The following ZNF644 variants were observed in gnomAD, a reference collection of about 807,000 sequenced individuals.
The protein encoded by ZNF644 is zinc finger protein 644.
ZNF644 carries 20 observed loss-of-function variants against 108.0 expected under a neutral mutation model. The observed-to-expected ratio is 0.19, with a 90% CI of 0.13 to 0.27. The LOEUF (loss-of-function observed/expected upper bound fraction) is 0.27. Ranked by LOEUF, ZNF644 falls within the 10% of genes least tolerant of loss-of-function variation. ZNF644 has a pLI of 1.00. For missense variants in ZNF644, 1,338 were observed against 1,548.9 expected, an observed-to-expected ratio of 0.86 and a Z score of 2.29; for synonymous variants, 542 against 539.1, an observed-to-expected ratio of 1.01 and a Z score of -0.08.
At chr1:90,948,817 A>G (rs1220841408) in intron 2 of ZNF644, among the ~76,000 whole-genome samples, 3 of 152,228 alleles carry the variant, frequency 2.0e-5, no homozygotes, top group Admixed American at 6.5e-5. Context: ...TGCTTGGAAC[A>G]TAACGAATGT....
intron 1 of ZNF644, among the ~76,000 whole-genome samples, chr1:90,987,056 A>G (rs1657169819): frequency 6.7e-6 from 1 of 150,244 alleles, no homozygotes; most frequent in Non-Finnish European, 1.5e-5. Flanking sequence ...GCAAAAGCTT[A>G]CATGTTTAAA....
chr1:91,012,378 TGAA>T (rs2100646134), intron 1 of ZNF644, among the ~76,000 whole-genome samples: 1 of 150,000 alleles, frequency 6.7e-6, no homozygotes, highest in Non-Finnish European at 1.5e-5. Context: ...CTCAGGAAGC[TGAA>T]GGAGGAGGAT....
At chr1:90,987,607 T>C in intron 1 of ZNF644, among the ~76,000 whole-genome samples, 1 of 151,960 alleles carries the variant, frequency 6.6e-6, no homozygotes, top group Non-Finnish European at 1.5e-5. Context: ...GACATTTAAA[T>C]AAGAATTAAC....
chr1:90,917,017 C>T (rs1648842715), intron 5 of ZNF644, 27 bp from the exon 6 acceptor site: 7 of 1,609,452 alleles, frequency 4.3e-6, no homozygotes, highest in South Asian at 1.1e-5. Context: ...ATTCTCTTAA[C>T]ATGACCAATT....
intron 1 of ZNF644, among the ~76,000 whole-genome samples, chr1:90,999,687 A>G (rs528938267): frequency 3.3e-4 from 50 of 152,216 alleles, no homozygotes; most frequent in Non-Finnish European, 6.0e-4. Flanking sequence ...GCACATAACA[A>G]TATTAACCTT....
intron 2 of ZNF644, among the ~76,000 whole-genome samples, chr1:90,972,472 G>A (rs1301475331): frequency 6.6e-6 from 1 of 152,164 alleles, no homozygotes; most frequent in Non-Finnish European, 1.5e-5. Flanking sequence ...AATGTCAAGT[G>A]TTGGCAAGGA....
intron 1 of ZNF644, among the ~76,000 whole-genome samples, chr1:90,998,451 C>T (rs1212712876): frequency 6.6e-6 from 1 of 152,226 alleles, no homozygotes; most frequent in African/African-American, 2.4e-5. Flanking sequence ...GAGTGGACCT[C>T]CAGCAAACTC....
intron 1 of ZNF644, among the ~76,000 whole-genome samples, chr1:91,008,848 T>G (rs928128378): frequency 5.3e-5 from 8 of 152,142 alleles, no homozygotes. Context: ...TAACCAAGGT[T>G]GAAAAGCACA....
intron 2 of ZNF644, among the ~76,000 whole-genome samples, chr1:90,960,215 GA>G (rs535473527): frequency 6.6e-6 from 1 of 151,800 alleles, no homozygotes; most frequent in Middle Eastern, 3.4e-3. Flanking sequence ...AATAAGAAGA[GA>G]AAAAAAATGC....
At chr1:90,920,969 T>C (rs1028005261) in intron 4 of ZNF644, among the ~76,000 whole-genome samples, 2 of 152,118 alleles carry the variant, frequency 1.3e-5, no homozygotes, top group Admixed American at 1.3e-4. Flanking sequence ...AATGCCAATA[T>C]CCAAACCCAC....
intron 2 of ZNF644, among the ~76,000 whole-genome samples, chr1:90,981,172 C>T (rs1656509643): frequency 6.6e-6 from 1 of 151,946 alleles, no homozygotes; most frequent in Non-Finnish European, 1.5e-5. Flanking sequence ...TAAGAAGATA[C>T]ATAGGCAAGT....
At chr1:90,932,534 T>G (rs1243706576) in intron 4 of ZNF644, among the ~76,000 whole-genome samples, 2 of 152,212 alleles carry the variant, frequency 1.3e-5, no homozygotes, top group African/African-American at 4.8e-5. Flanking sequence ...GTTACTCATA[T>G]GAATTAATGA....
At position 90,971,874 on chromosome 1, in the gene ZNF644, T is replaced by G. The variant is rs566867019; in HGVS notation, c.44+10436A>C. ...AGATAGAAACCAGGCCCTTTTTTCA[T>G]CATTTCTCAGAACACTTCCAAGTAT... On this transcript the variant is annotated intron_variant, in intron 2 of 5. Transcript: ENST00000337393. Among the ~76,000 whole-genome samples the G allele has an allele frequency of 5.9e-5, 9 of 152,280 alleles. No individual in the cohort carries two copies. The East Asian group carries it at 1.7e-3, about 29-fold the overall frequency.
chr1:90,951,529 T>C (rs1202538293), intron 2 of ZNF644, among the ~76,000 whole-genome samples: 2 of 152,196 alleles, frequency 1.3e-5, no homozygotes, highest in African/African-American at 4.8e-5. Flanking sequence ...GATAGTCTCA[T>C]GGCAAACTAT....
rs2390891 is a variant in ZNF644 at position 91,006,238 on chromosome 1, C to A, written c.-18+15752G>T. ...TAAAACAAGTAGAGAGAACTTCCCA[C>A]AAAGAAAAGCCCAGGACCTAGCCAA... is the stretch of plus-strand genomic sequence containing the variant. On this transcript the variant is annotated intron_variant, in intron 1 of 5. Coordinates refer to ENST00000337393, the MANE Select transcript of ZNF644 (RefSeq NM_201269.3). Among the ~76,000 whole-genome samples, 1,055 of 152,240 alleles carry A rather than the reference C, an allele frequency of 6.9e-3. 15 individuals carry two copies. The highest frequency in any genetic ancestry group is 0.024 in the African/African-American group (989 of 41,538).
chr1:91,018,396 C>T lies in ZNF644; in HGVS notation c.-18+3594G>A, dbSNP rs561315134. Among the ~76,000 whole-genome samples, 31 of 152,266 alleles carry T rather than the reference C, an allele frequency of 2.0e-4. 1 individual carries two copies. In the South Asian group the frequency reaches 5.4e-3, roughly 26 times the overall value. ...TCAATATTTACAGATTCTCCATATA[C>T]GAAATAGACATTCTCTCTACCAGAA... On this transcript the variant is annotated intron_variant, in intron 1 of 5. Coordinates refer to ENST00000337393, the MANE Select transcript of ZNF644 (RefSeq NM_201269.3).
chr1:91,018,634 A>C (rs188336443), intron 1 of ZNF644, among the ~76,000 whole-genome samples: 3 of 152,326 alleles, frequency 2.0e-5, no homozygotes, highest in Admixed American at 1.3e-4. Context: ...TTGTCTTAAG[A>C]CCTGACTGAA....
At chr1:90,991,290 G>A (rs1657611837) in intron 1 of ZNF644, among the ~76,000 whole-genome samples, 1 of 151,948 alleles carries the variant, frequency 6.6e-6, no homozygotes, top group South Asian at 2.1e-4. Context: ...AAGTGTTGGT[G>A]AACAAGTGGA....
chr1:90,941,459 A>G (rs983587111), intron 2 of ZNF644, 150 bp from the exon 3 acceptor site: 1 of 765,862 alleles, frequency 1.3e-6, no homozygotes, highest in Non-Finnish European at 2.0e-6. Flanking sequence ...AAAGAACACA[A>G]ACATATTGAA....
Sources: gnomAD v4.1 joint callset for allele counts (sites outside exome capture counted in the v4.1 genomes callset) on GRCh38, gnomAD v4.1.1 for gene constraint, MANE v1.5 for transcripts, NCBI Gene and HGNC (gene_info 2026-07-23, HGNC 2026-07-21) for gene names.